The following TRHDE variants were observed in gnomAD, a reference collection of about 807,000 sequenced individuals.
The protein encoded by TRHDE is thyrotropin releasing hormone degrading enzyme, also known as thyrotropin-releasing hormone-degrading ectoenzyme.
Under a neutral mutation model 125.7 loss-of-function variants are expected in TRHDE, and 72 were observed. The observed-to-expected ratio is 0.57, with a 90% CI of 0.47 to 0.70. The LOEUF is 0.70. TRHDE is among the 30% of genes least tolerant of loss of function. The pLI, the probability that TRHDE is intolerant of heterozygous loss-of-function variation, is 0.00. For missense variants in TRHDE, 1,110 were observed against 1,327.1 expected (o/e 0.84, Z 2.54); for synonymous variants, 509 against 509.1 (o/e 1.00, Z 0.00).
chr12:72,656,869 G>T (rs940996325), intron 17 of TRHDE, 58 bp from the exon 18 acceptor site: 18 of 1,164,304 alleles, frequency 1.5e-5, no homozygotes, highest in Middle Eastern at 2.2e-4. Context: ...AATCTTTATA[G>T]TAATATTTTT....
chr12:72,419,084 A>G (rs986583008), intron 3 of TRHDE, among the ~76,000 whole-genome samples: 2 of 152,166 alleles, frequency 1.3e-5, no homozygotes, highest in African/African-American at 2.4e-5. Context: ...AATTCTAGGA[A>G]AAAGCAGCTT....
At chr12:72,436,654 C>T (rs1874759740) in intron 3 of TRHDE, among the ~76,000 whole-genome samples, 1 of 151,828 alleles carries the variant, frequency 6.6e-6, no homozygotes, top group African/African-American at 2.4e-5. Flanking sequence ...CCAAGAGAAT[C>T]AGCCTGACAT....
chr12:72,577,783 C>T (rs940681695), intron 12 of TRHDE, among the ~76,000 whole-genome samples: 2 of 151,954 alleles, frequency 1.3e-5, no homozygotes, highest in African/African-American at 4.8e-5. Context: ...CTTTCAATTC[C>T]AATTTTGCAT....
Position 72,618,938 on chromosome 12 carries a change from T to C in TRHDE, c.2369T>C (p.Leu790Pro), listed in dbSNP as rs1872932667. The C allele has an allele frequency of 1.3e-6, 2 of 1,594,452 alleles. No individual in the cohort carries two copies. The highest frequency in any genetic ancestry group is 2.7e-5 in the African/African-American group (2 of 73,932). ...QNIPLEIIRY[L>P]SEEKDFLPWH... ...ATTCCTCTGGAGATTATCAGATACC[T>C]GTCTGAGGAGAAGGATTTTCTTCCT... is the stretch of plus-strand genomic sequence containing the variant. Residue 790 changes from leucine (L) to proline (P), a missense_variant, in exon 13 of 19, where the codon CTG becomes CCG. Transcript: ENST00000261180.
At chr12:72,639,519 G>A (rs7962053) in intron 15 of TRHDE, among the ~76,000 whole-genome samples, 1,813 of 151,324 alleles carry the variant, frequency 0.012, 34 homozygotes, top group African/African-American at 0.039. Flanking sequence ...GTCATTCTCC[G>A]TCCAGCTTTG....
intron 2 of TRHDE, among the ~76,000 whole-genome samples, chr12:72,265,152 A>G (rs1351980554): frequency 6.6e-6 from 1 of 151,846 alleles, no homozygotes. Flanking sequence ...AACATATTTA[A>G]CTTTATAATA....
chr12:72,630,324 G>A (rs1210789437), intron 15 of TRHDE, among the ~76,000 whole-genome samples: 1 of 151,768 alleles, frequency 6.6e-6, no homozygotes, highest in Non-Finnish European at 1.5e-5. Context: ...GGGAAAAGTA[G>A]TCAGAGAGAG....
In TRHDE at chr12:72,542,463, G is replaced by A. The variant is rs1869202580; in HGVS notation, c.1788+107G>A. ...TGCTGAACTTGGTGGAAAACTTTAA[G>A]ATGTGTAAGTTAAGCAATGTCTTTC... On this transcript the variant is annotated intron_variant, in intron 7 of 18. Transcript: ENST00000261180. The A allele has an allele frequency of 1.3e-5, 11 of 830,454 alleles. No individual in the cohort carries two copies. The Admixed American group carries it at 2.3e-4, about 17-fold the overall frequency. The allele number at this position is 830,454 out of a possible 1,614,324, so 51.4% of individuals were successfully genotyped here. A position where few individuals can be genotyped will look rare whatever the true frequency, so the allele number is the denominator to read the frequency against.
intron 6 of TRHDE, among the ~76,000 whole-genome samples, chr12:72,520,246 G>C (rs1255914868): frequency 6.6e-6 from 1 of 152,208 alleles, no homozygotes; most frequent in Non-Finnish European, 1.5e-5. Flanking sequence ...CAGTCTCGCT[G>C]CTGCCTTGCA....
At chr12:72,122,342 C>T (rs1320703344) in intron 2 of TRHDE, among the ~76,000 whole-genome samples, 3 of 152,174 alleles carry the variant, frequency 2.0e-5, no homozygotes, top group Non-Finnish European at 2.9e-5. Context: ...CTTATTAAAC[C>T]TATTGGTTTA....
chr12:72,377,333 T>C (rs1176259837), intron 2 of TRHDE, among the ~76,000 whole-genome samples: 2 of 151,516 alleles, frequency 1.3e-5, no homozygotes, highest in Non-Finnish European at 2.9e-5. Flanking sequence ...AAGGACTAGA[T>C]AATATACAAT....
intron 5 of TRHDE, among the ~76,000 whole-genome samples, chr12:72,486,694 A>G (rs1056747026): frequency 1.6e-4 from 25 of 152,200 alleles, no homozygotes; most frequent in African/African-American, 6.0e-4. Context: ...TTAGCTTAGA[A>G]TAAGTGACCG....
intron 2 of TRHDE, among the ~76,000 whole-genome samples, chr12:72,159,081 C>G (rs762177892): frequency 3.3e-5 from 5 of 152,152 alleles, no homozygotes; most frequent in African/African-American, 4.8e-5. Flanking sequence ...ATTTTAATTA[C>G]AGTAACTTTA....
chr12:72,659,067 C>CTTAT (rs1874814802), intron 18 of TRHDE, among the ~76,000 whole-genome samples: 1 of 152,134 alleles, frequency 6.6e-6, no homozygotes, highest in Admixed American at 6.6e-5. Flanking sequence ...ATGACATATT[C>CTTAT]TTATTTCCAA....
At position 72,225,551 on chromosome 12, in the gene TRHDE, C is replaced by T. The variant is rs558814268; in HGVS notation, n.279+119799C>T. 5.3e-5 allele frequency among the ~76,000 whole-genome samples: 8 copies of T among 152,210 alleles called. No individual in the cohort carries two copies. The South Asian group carries it at 1.7e-3, about 32-fold the overall frequency. The stretch of plus-strand genomic sequence containing the variant: ...ACAAACACTAAAATTCATTCAAAAG[C>T]TTTTCATCCCAGTTTGGAAAAAATA... On this transcript the variant is annotated intron_variant and non_coding_transcript_variant, in intron 2 of 4. Transcript: ENST00000548156.
At chr12:72,517,592 C>A (rs1395851670) in intron 6 of TRHDE, among the ~76,000 whole-genome samples, 2 of 152,100 alleles carry the variant, frequency 1.3e-5, no homozygotes, top group Admixed American at 1.3e-4. Context: ...TTTCAAAAAA[C>A]CAGCTCCTGG....
At chr12:72,530,416 CTTT>C (rs71438816) in intron 6 of TRHDE, among the ~76,000 whole-genome samples, 4 of 68,482 alleles carry the variant, frequency 5.8e-5, no homozygotes, top group Non-Finnish European at 1.0e-4. Flanking sequence ...TTCCTAGAAG[CTTT>C]TTTTTTTTTT....
chr12:72,205,643 C>T (rs960716116), intron 2 of TRHDE, among the ~76,000 whole-genome samples: 3 of 152,120 alleles, frequency 2.0e-5, no homozygotes, highest in African/African-American at 2.4e-5. Flanking sequence ...TTTCACTTAA[C>T]GTAATATCTT....
At chr12:72,222,365 G>A (rs879361826) in intron 2 of TRHDE, among the ~76,000 whole-genome samples, 2 of 152,086 alleles carry the variant, frequency 1.3e-5, no homozygotes, top group African/African-American at 4.8e-5. Flanking sequence ...ACAGGTTGCT[G>A]ACTGGGACCT....
Sources: allele counts gnomAD v4.1 joint callset (sites outside exome capture counted in the v4.1 genomes callset), GRCh38; gene constraint gnomAD v4.1.1; transcripts MANE v1.5; gene names NCBI Gene and HGNC (gene_info 2026-07-23, HGNC 2026-07-21).